Variants in NR2C2 observed in about 807,000 individuals in gnomAD.
NR2C2 encodes Nuclear hormone receptor TR4.
NR2C2 carries 6 observed loss-of-function variants against 62.9 expected under a neutral mutation model. The ratio of observed to expected loss-of-function variants is 0.10; its 90% confidence interval spans 0.05 to 0.19. The LOEUF (loss-of-function observed/expected upper bound fraction) is 0.19, where lower values mean the gene tolerates loss of function less well. NR2C2 is among the 10% of genes least tolerant of loss of function. The probability of loss-of-function intolerance (pLI) is 1.00; values close to 1 mark genes in which losing one functional copy is unlikely to be tolerated. For missense variants in NR2C2, 479 were observed against 762.7 expected, an observed-to-expected ratio of 0.63 and a Z score of 4.38; for synonymous variants, 272 against 273.8, an observed-to-expected ratio of 0.99 and a Z score of 0.07.
chr3:15,003,856 A>T lies in NR2C2; in HGVS notation c.-39-20A>T, dbSNP rs566833210. ...ATCATTCTGAACCCCCTTGTGATCC[A>T]GCCCACTTCTCACCCACAGGTAACA... is the stretch of plus-strand genomic sequence containing the variant. On this transcript the variant is annotated intron_variant, in intron 1 of 13. Transcript: ENST00000425241. The T allele has an allele frequency of 4.9e-5, 76 of 1,543,112 alleles. 1 individual carries two copies. In the South Asian group the frequency reaches 6.8e-4, roughly 14 times the overall value.
intron 1 of NR2C2, among the ~76,000 whole-genome samples, chr3:15,003,262 C>A (rs1339780014): frequency 6.6e-6 from 1 of 152,026 alleles, no homozygotes; most frequent in East Asian, 1.9e-4. Flanking sequence ...AATACACTTT[C>A]TATCAAGAAA....
chr3:15,033,847 AT>A (rs1032744893), intron 10 of NR2C2, among the ~76,000 whole-genome samples: 1 of 151,916 alleles, frequency 6.6e-6, no homozygotes, highest in African/African-American at 2.4e-5. Flanking sequence ...AAGTGGTTTC[AT>A]TTACATTTCA....
intron 1 of NR2C2, among the ~76,000 whole-genome samples, chr3:14,957,274 G>A (rs756099608): frequency 1.3e-5 from 2 of 152,230 alleles, no homozygotes; most frequent in African/African-American, 4.8e-5. Context: ...AATGAAGGCA[G>A]CGTCTCCTTG....
chr3:14,974,146 T>C (rs976661882), intron 1 of NR2C2, among the ~76,000 whole-genome samples: 1 of 152,220 alleles, frequency 6.6e-6, no homozygotes, highest in African/African-American at 2.4e-5. Flanking sequence ...TTCTATGAAT[T>C]TGACTATTGA....
intron 2 of NR2C2, among the ~76,000 whole-genome samples, chr3:15,011,789 T>C (rs999542459): frequency 6.6e-6 from 1 of 152,246 alleles, no homozygotes. Context: ...TAGCACACTT[T>C]GCCGCATTTT....
intron 1 of NR2C2, among the ~76,000 whole-genome samples, chr3:14,969,268 CAG>C (rs1553637775): frequency 3.0e-5 from 3 of 100,176 alleles, no homozygotes; most frequent in Admixed American, 1.3e-4. Flanking sequence ...TTTTTTGAAA[CAG>C]AGTCTCACTG....
At chr3:14,964,296 T>G (rs533510748) in intron 1 of NR2C2, among the ~76,000 whole-genome samples, 2 of 152,364 alleles carry the variant, frequency 1.3e-5, no homozygotes, top group East Asian at 3.9e-4. Flanking sequence ...CAAAATTATT[T>G]ACCCAATATT....
At chr3:14,997,959 TC>T (rs1020873978) in intron 1 of NR2C2, among the ~76,000 whole-genome samples, 4 of 152,122 alleles carry the variant, frequency 2.6e-5, no homozygotes, top group Admixed American at 2.6e-4. Flanking sequence ...CTACCCCTGT[TC>T]CCCTGTCACC....
chr3:14,969,807 T>C (rs1394791716), intron 1 of NR2C2, among the ~76,000 whole-genome samples: 1 of 152,202 alleles, frequency 6.6e-6, no homozygotes, highest in Non-Finnish European at 1.5e-5. Flanking sequence ...CTTTATTCTT[T>C]TTATCAACAG....
chr3:15,018,928 T>C (rs1490462219), intron 4 of NR2C2, among the ~76,000 whole-genome samples: 1 of 148,390 alleles, frequency 6.7e-6, no homozygotes, highest in African/African-American at 2.5e-5. Flanking sequence ...GGCAGGAGAA[T>C]TGCTTGAACC....
At chr3:14,985,433 C>G (rs1001430972) in intron 1 of NR2C2, among the ~76,000 whole-genome samples, 1 of 151,940 alleles carries the variant, frequency 6.6e-6, no homozygotes, top group African/African-American at 2.4e-5. Context: ...CTTTTTGTTA[C>G]GTTTTAATTT....
chr3:15,030,235 G>A (rs1191984842), intron 8 of NR2C2, 40 bp from the exon 9 acceptor site: 1 of 1,547,380 alleles, frequency 6.5e-7, no homozygotes, highest in Non-Finnish European at 8.8e-7. Flanking sequence ...CCTAAAAGCT[G>A]TAGATTCACA....
rs1205541716 is a variant in NR2C2, at chr3:15,019,657, CACAG to C, written c.377-1094_377-1091del. Among the ~76,000 whole-genome samples the C allele has an allele frequency of 4.0e-5, 6 of 151,492 alleles. No individual in the cohort carries two copies. In the East Asian group the frequency reaches 1.2e-3, roughly 29 times the overall value. On this transcript the variant is annotated intron_variant, in intron 4 of 13. Coordinates refer to ENST00000425241, the MANE Select transcript of NR2C2 (RefSeq NM_001291694.2). ...ATCATGTTACATGAAATAAGCCAGA[CACAG>C]AAAGACAAATACGATCTCACTCATG...
At position 15,044,234 on chromosome 3, in the gene NR2C2, A is replaced by G. The variant is rs2042372540; in HGVS notation, c.*1226A>G. The stretch of plus-strand genomic sequence containing the variant: ...TTTCTTCCTGTTGACCTTAAATACC[A>G]GAGATTTTAAAAATGTGTATAGACT... On this transcript the variant is annotated 3_prime_UTR_variant, in exon 14 of 14. Coordinates refer to ENST00000425241, the MANE Select transcript of NR2C2 (RefSeq NM_001291694.2). 6.6e-6 allele frequency: 1 copy of G among 152,226 alleles called. No individual in the cohort carries two copies. Among genetic ancestry groups the G allele is most frequent in the African/African-American group, 2.4e-5 (1 of 41,442 alleles). The allele number at this position is 152,226 out of a possible 1,614,324, so 9.4% of individuals were successfully genotyped here. A position where few individuals can be genotyped will look rare whatever the true frequency, so the allele number is the denominator to read the frequency against.
intron 9 of NR2C2, among the ~76,000 whole-genome samples, chr3:15,031,370 AT>A (rs34302514): frequency 0.43 from 62,942 of 145,406 alleles, 15,401 homozygotes; most frequent in African/African-American, 0.69. Flanking sequence ...TTCCCCCAGT[AT>A]TTTTTTTTTT....
At chr3:15,020,694 C>T (rs2041647433) in intron 4 of NR2C2, 59 bp from the exon 5 acceptor site, 2 of 1,578,896 alleles carry the variant, frequency 1.3e-6, no homozygotes, top group Admixed American at 1.7e-5. Context: ...CAGATCACCT[C>T]TTTGGTGAAT....
At chr3:14,954,023 A>G (rs2039449401) in intron 1 of NR2C2, among the ~76,000 whole-genome samples, 1 of 152,110 alleles carries the variant, frequency 6.6e-6, no homozygotes, top group Admixed American at 6.6e-5. Context: ...TATTTCTAGA[A>G]CATTTTGGAT....
At chr3:14,981,712 C>G (rs1443762827) in intron 1 of NR2C2, among the ~76,000 whole-genome samples, 1 of 152,046 alleles carries the variant, frequency 6.6e-6, no homozygotes, top group East Asian at 1.9e-4. Context: ...AGTCCCAAGT[C>G]CTCAAAAGTA....
chr3:14,989,709 G>GA lies in NR2C2; in HGVS notation c.-39-14166dup, dbSNP rs1427655880. Among the ~76,000 whole-genome samples the GA allele has an allele frequency of 2.0e-5, 3 of 151,890 alleles. No individual in the cohort carries two copies. The East Asian group carries it at 5.8e-4, about 29-fold the overall frequency. On this transcript the variant is annotated intron_variant, in intron 1 of 13. Coordinates refer to ENST00000425241, the MANE Select transcript of NR2C2 (RefSeq NM_001291694.2). ...ACGCTTTGGGAAGCTGAGGGAGGCA[G>GA]ATCACATGAGGTCAGGAGCTTGAGA...
Sources: gnomAD v4.1 joint callset for allele counts (sites outside exome capture counted in the v4.1 genomes callset) on GRCh38, gnomAD v4.1.1 for gene constraint, MANE v1.5 for transcripts, NCBI Gene and HGNC (gene_info 2026-07-23, HGNC 2026-07-21) for gene names.